The following UGT2B17 variants were observed in gnomAD, a reference collection of about 807,000 sequenced individuals.
UGT2B17 encodes the protein UDP glucuronosyltransferase family 2 member B17.
A neutral mutation model predicts 48.2 loss-of-function variants in UGT2B17; 21 were observed. The ratio of observed to expected loss-of-function variants is 0.44; its 90% CI spans 0.31 to 0.63. The LOEUF (loss-of-function observed/expected upper bound fraction) is 0.63, where lower values mean the gene tolerates loss of function less well. Ranked by LOEUF, UGT2B17 falls within the 20% of genes least tolerant of loss-of-function variation. UGT2B17 has a pLI of 0.08. For synonymous variants in UGT2B17, 146 were observed against 238.4 expected (o/e 0.61, Z 3.57); for missense variants, 402 against 696.1 (o/e 0.58, Z 4.75).
chr4:68,562,760 T>G (rs1398243639), intron 3 of UGT2B17, among the ~76,000 whole-genome samples: 1 of 126,500 alleles, frequency 7.9e-6, no homozygotes, highest in Non-Finnish European at 1.7e-5. Flanking sequence ...TTCATTATGG[T>G]TTTAATTCTA....
Position 68,576,201 on chromosome 4 carries a change from C to G in UGT2B17, c.-315G>C, listed in dbSNP as rs114351825. On this transcript the variant is annotated 5_prime_UTR_variant, in exon 1 of 7. An upstream open reading frame in the 5' UTR loses its in-frame stop. Transcript: ENST00000317746. ...TCCGTCAGTCACCTTGCTTCTGGGTCAGGGAGCCAAGAAATGTAGCAGGAC... is the reference window on the plus strand; with the variant it reads ...TCCGTCAGTCACCTTGCTTCTGGGTGAGGGAGCCAAGAAATGTAGCAGGAC... Among the ~76,000 whole-genome samples the G allele has an allele frequency of 0.015, 1,844 of 125,568 alleles. 374 individuals carry two copies. The highest frequency in any genetic ancestry group is 0.049 in the African/African-American group (1,774 of 36,528). The allele number at this position is 125,568 out of a possible 152,430, so 82.4% of individuals were successfully genotyped here. A position where few individuals can be genotyped will look rare whatever the true frequency, so the allele number is the denominator to read the frequency against.
At position 68,553,333 on chromosome 4, in the gene UGT2B17, AC is replaced by A. The variant is rs1198379136; in HGVS notation, c.1006-1423del. ...GTGTTTGCTTCCTGTCTTTAAAAAA[AC>A]AAATGTTCTTTTGTTTACTTTTCCT... On this transcript the variant is annotated intron_variant, in intron 4 of 6. Transcript: ENST00000317746. Among the ~76,000 whole-genome samples, 2 of 126,902 alleles carry A rather than the reference AC, an allele frequency of 1.6e-5. 1 individual carries two copies. Among genetic ancestry groups the A allele is most frequent in the Non-Finnish European group, 3.3e-5 (2 of 59,732 alleles). 83.3% of individuals were successfully genotyped at this position (126,902 alleles called of 152,430 possible).
rs1262797743 is a variant in UGT2B17, at chr4:68,554,195, C to G, written c.1006-2284G>C. Among the ~76,000 whole-genome samples the G allele has an allele frequency of 3.2e-5, 4 of 123,986 alleles. 1 individual carries two copies. The highest frequency in any genetic ancestry group is 3.4e-5 in the Non-Finnish European group (2 of 58,866). The allele number at this position is 123,986 out of a possible 152,430, so 81.3% of individuals were successfully genotyped here. On this transcript the variant is annotated intron_variant, in intron 4 of 6. Coordinates refer to ENST00000317746, the MANE Select transcript of UGT2B17 (RefSeq NM_001077.4). The stretch of plus-strand genomic sequence containing the variant: ...CCCACAAGCAGCACACATTGATTCA[C>G]CACACATAAACCCTAGGCCACAGCT...
rs555587569 is a variant in UGT2B17 at position 68,546,314 on chromosome 4, A to G, written c.1313+4363T>C. Among the ~76,000 whole-genome samples, 4 of 126,540 alleles carry G rather than the reference A, an allele frequency of 3.2e-5. 2 individuals carry two copies. The highest frequency in any genetic ancestry group is 6.7e-5 in the Non-Finnish European group (4 of 59,684). 83.0% of individuals were successfully genotyped at this position (126,540 alleles called of 152,430 possible). ...GTAATCCAGCACATAAACAGAACCAATGACAAAAACCACATGATTATCTCA... is the reference window on the plus strand; with the variant it reads ...GTAATCCAGCACATAAACAGAACCAGTGACAAAAACCACATGATTATCTCA... On this transcript the variant is annotated intron_variant, in intron 6 of 6. Coordinates refer to ENST00000317746, the MANE Select transcript of UGT2B17 (RefSeq NM_001077.4).
chr4:68,565,636 G>A lies in UGT2B17; in HGVS notation c.809C>T (p.Pro270Leu). Residue 270 changes from proline (P) to leucine (L), a missense_variant, in exon 3 of 7, where the codon CCA (proline) becomes CTA (leucine). Pro to Leu is a moderately conservative substitution (Grantham distance 98, BLOSUM62 -3). This residue lies in a region of UGT2B17 where 106 missense variants were observed against 169.8 expected (regional missense o/e 0.62). Coordinates refer to ENST00000317746, the MANE Select transcript of UGT2B17 (RefSeq NM_001077.4). ...AACAAAATCAACATTTGGTAAGAAT[G>A]GGCGAGGAAATTCAAAATCCCAATA... is the stretch of plus-strand genomic sequence containing the variant. ...RTYWDFEFPR[P>L]FLPNVDFVGG... The A allele has an allele frequency of 7.3e-7, 1 of 1,370,222 alleles. No individual in the cohort carries two copies. Among genetic ancestry groups the A allele is most frequent in the Non-Finnish European group, 9.5e-7 (1 of 1,050,706 alleles). The allele number at this position is 1,370,222 out of a possible 1,614,324, so 84.9% of individuals were successfully genotyped here.
chr4:68,571,271 AGAAGTTCAT>A lies in UGT2B17; in HGVS notation c.-64-2732_-64-2724del, dbSNP rs1731294342. On this transcript the variant is annotated intron_variant, in intron 1 of 6. Coordinates refer to ENST00000317746, the MANE Select transcript of UGT2B17 (RefSeq NM_001077.4). ...CCAGGAAGCATAGACTGGGAAGCCT[AGAAGTTCAT>A]GTTTTTATGGGCAGTAAGAAGAAAG... 1.6e-5 allele frequency among the ~76,000 whole-genome samples: 2 copies of A among 125,162 alleles called. 1 individual carries two copies. The highest frequency in any genetic ancestry group is 3.4e-5 in the Non-Finnish European group (2 of 59,284). The allele number at this position is 125,162 out of a possible 152,430, so 82.1% of individuals were successfully genotyped here.
Position 68,551,878 on chromosome 4 carries a change from T to C in UGT2B17, c.1039A>G (p.Thr347Ala), listed in dbSNP as rs1161340296. 2.2e-6 allele frequency: 3 copies of C among 1,365,890 alleles called. No homozygotes were observed. The highest frequency in any genetic ancestry group is 1.9e-6 in the Non-Finnish European group (2 of 1,046,698). The allele number at this position is 1,365,890 out of a possible 1,614,324, so 84.6% of individuals were successfully genotyped here. ...TACAGTCGAGTATTGGAACCTAAAG[T>C]ATTTGGCTTCTTGCCATCAAATCTC... ...LWRFDGKKPN[T>A]LGSNTRLYKW... The change falls in exon 5 of 7, where the codon ACT becomes GCT. Residue 347 changes from threonine to alanine, a missense_variant. Thr to Ala is a moderately conservative substitution (Grantham distance 58, BLOSUM62 0). This residue lies in a region of UGT2B17 where 156 missense variants were observed against 258.6 expected (regional missense o/e 0.60). Transcript: ENST00000317746.
chr4:68,564,666 T>A (rs1464946837), intron 3 of UGT2B17, among the ~76,000 whole-genome samples: 1 of 124,952 alleles, frequency 8.0e-6, no homozygotes, highest in Non-Finnish European at 1.7e-5. Context: ...CTTTTCTACT[T>A]TTCTGCCTTA....
chr4:68,538,492 T>C (rs1730593998), intron 6 of UGT2B17, among the ~76,000 whole-genome samples: 1 of 125,100 alleles, frequency 8.0e-6, no homozygotes, highest in African/African-American at 2.7e-5. Context: ...TCTGCCTCTG[T>C]CTCCCAAAGT....
chr4:68,543,042 G>T lies in UGT2B17; in HGVS notation c.1314-5138C>A, dbSNP rs1300655307. On this transcript the variant is annotated intron_variant, in intron 6 of 6. Coordinates refer to ENST00000317746, the MANE Select transcript of UGT2B17 (RefSeq NM_001077.4). ...GGGCATAACCAAACAAAAGGCAGCA[G>T]AAACCTCTGCAGTCTTAAATGTCCC... Among the ~76,000 whole-genome samples the T allele has an allele frequency of 1.6e-5, 2 of 126,496 alleles. 1 individual carries two copies. The highest frequency in any genetic ancestry group is 3.4e-5 in the Non-Finnish European group (2 of 59,580). 83.0% of individuals were successfully genotyped at this position (126,496 alleles called of 152,430 possible).
rs189205947 is a variant in UGT2B17 at position 68,550,017 on chromosome 4, G to A, written c.1313+660C>T. On this transcript the variant is annotated intron_variant, in intron 6 of 6. Transcript: ENST00000317746. ...ATAATTATGCTAAGTGAAAGAAGTC[G>A]TTTACAAAACACTATAAATTGTATG... is the stretch of plus-strand genomic sequence containing the variant. Among the ~76,000 whole-genome samples, 122 of 124,616 alleles carry A rather than the reference G, an allele frequency of 9.8e-4. 31 individuals are homozygous for A. Among genetic ancestry groups the A allele is most frequent in the Admixed American group, 1.7e-3 (21 of 12,024 alleles). The allele number at this position is 124,616 out of a possible 152,430, so 81.8% of individuals were successfully genotyped here.
At chr4:68,563,481 G>T (rs1251157920) in intron 3 of UGT2B17, among the ~76,000 whole-genome samples, 1 of 126,410 alleles carries the variant, frequency 7.9e-6, no homozygotes, top group Non-Finnish European at 1.7e-5. Context: ...GTGTTGGTGG[G>T]TGCCTGTAAT....
At position 68,543,154 on chromosome 4, in the gene UGT2B17, T is replaced by C. The variant is rs1285063987; in HGVS notation, c.1314-5250A>G. 2.8e-4 allele frequency among the ~76,000 whole-genome samples: 35 copies of C among 126,142 alleles called. 8 individuals are homozygous for C. Among genetic ancestry groups the C allele is most frequent in the African/African-American group, 8.9e-4 (33 of 36,914 alleles). 82.8% of individuals were successfully genotyped at this position (126,142 alleles called of 152,430 possible). On this transcript the variant is annotated intron_variant, in intron 6 of 6. Transcript: ENST00000317746. ...GACAGACTGCTACTCAAGTGGGTCC[T>C]GATCCCCGAGTAGCCTGACTGGGAG...
intron 3 of UGT2B17, 114 bp downstream of exon 3, chr4:68,565,458 T>C: frequency 1.0e-5 from 9 of 891,638 alleles, no homozygotes; most frequent in East Asian, 1.5e-4. Context: ...TGGCAAGTCC[T>C]TTTTTTTGAC....
Position 68,574,679 on chromosome 4 carries a change from T to A in UGT2B17, c.-65+1272A>T, listed in dbSNP as rs1023760776. 7.1e-5 allele frequency among the ~76,000 whole-genome samples: 9 copies of A among 126,900 alleles called. 1 individual carries two copies. The highest frequency in any genetic ancestry group is 1.0e-4 in the Non-Finnish European group (6 of 59,838). 83.3% of individuals were successfully genotyped at this position (126,900 alleles called of 152,430 possible). A position where few individuals can be genotyped will look rare whatever the true frequency, so the allele number is the denominator to read the frequency against. On this transcript the variant is annotated intron_variant, in intron 1 of 6. Coordinates refer to ENST00000317746, the MANE Select transcript of UGT2B17 (RefSeq NM_001077.4). ...TTATGCCTCCTTATAATCTTCTCAT[T>A]AAAGTTATATTTTACTTTTTTATAC...
intron 4 of UGT2B17, among the ~76,000 whole-genome samples, chr4:68,558,377 T>A (rs1358942709): frequency 1.6e-5 from 2 of 125,756 alleles, no homozygotes; most frequent in African/African-American, 5.4e-5. Flanking sequence ...CAATTTTTCC[T>A]AATTTGGAGT....
rs1731108987 is a variant in UGT2B17 at position 68,561,832 on chromosome 4, T to C, written c.874-1164A>G. Among the ~76,000 whole-genome samples the C allele has an allele frequency of 1.7e-5, 2 of 116,252 alleles. 1 individual carries two copies. The highest frequency in any genetic ancestry group is 5.9e-5 in the African/African-American group (2 of 33,886). The allele number at this position is 116,252 out of a possible 152,430, so 76.3% of individuals were successfully genotyped here. On this transcript the variant is annotated intron_variant, in intron 3 of 6. Coordinates refer to ENST00000317746, the MANE Select transcript of UGT2B17 (RefSeq NM_001077.4). Reference sequence around the variant, plus strand: ...AGAAAGAGAGAAAGAGGAAAAGAAATGTAGACTCATAAGTTTCCCGGATAT... The same window carrying C: ...AGAAAGAGAGAAAGAGGAAAAGAAACGTAGACTCATAAGTTTCCCGGATAT...
chr4:68,539,096 AG>A (rs1401744845), intron 6 of UGT2B17, among the ~76,000 whole-genome samples: 1 of 126,480 alleles, frequency 7.9e-6, no homozygotes, highest in Non-Finnish European at 1.7e-5. Context: ...CCACAATAAA[AG>A]TTTAAGTATG....
At chr4:68,548,001 T>C (rs1730848881) in intron 6 of UGT2B17, among the ~76,000 whole-genome samples, 1 of 126,632 alleles carries the variant, frequency 7.9e-6, no homozygotes, top group Admixed American at 8.0e-5. Flanking sequence ...GTTCAACCAT[T>C]GTGGAAGTCA....
Sources: gnomAD v4.1 joint callset for allele counts (sites outside exome capture counted in the v4.1 genomes callset) on GRCh38, gnomAD v4.1.1 for gene constraint, gnomAD v4.1.1 regional missense constraint, MANE v1.5 for transcripts, NCBI Gene and HGNC (gene_info 2026-07-23, HGNC 2026-07-21) for gene names.